Variants in EPHA6 observed in about 807,000 individuals in gnomAD.
EPHA6 encodes ephrin type-A receptor 6.
A neutral mutation model predicts 112.0 loss-of-function variants in EPHA6; 50 were observed. The ratio of observed to expected loss-of-function variants is 0.45; its 90% CI spans 0.36 to 0.56. EPHA6 has a LOEUF of 0.56. EPHA6 is among the 20% of genes least tolerant of loss of function. The pLI is 0.00. For synonymous variants in EPHA6, 529 were observed against 490.7 expected (o/e 1.08, Z -1.03); for missense variants, 1,280 against 1,417.4 (o/e 0.90, Z 1.56).
intron 12 of EPHA6, among the ~76,000 whole-genome samples, chr3:97,598,493 C>A (rs995167459): frequency 1.4e-3 from 200 of 144,048 alleles, no homozygotes; most frequent in Non-Finnish European, 2.4e-3. Context: ...TCAATTCCCA[C>A]CTATGAGTGA....
chr3:96,976,550 A>G (rs1266407603), intron 2 of EPHA6, among the ~76,000 whole-genome samples: 2 of 152,128 alleles, frequency 1.3e-5, no homozygotes, highest in African/African-American at 4.8e-5. Context: ...ATGAAGTAAA[A>G]CATAGGTTTT....
Position 97,023,140 on chromosome 3 carries a change from G to A in EPHA6, c.1114+35147G>A, listed in dbSNP as rs554944083. On this transcript the variant is annotated intron_variant, in intron 3 of 17. Coordinates refer to ENST00000389672, the MANE Select transcript of EPHA6 (RefSeq NM_001080448.3). ...GTTGCCCAGGCTGGAGTGCAGTGGC[G>A]CGATCTTGGCTCACTGAAAGCTCCA... is the stretch of plus-strand genomic sequence containing the variant. Among the ~76,000 whole-genome samples the A allele has an allele frequency of 7.2e-5, 11 of 152,142 alleles. No individual in the cohort carries two copies. The South Asian group carries it at 8.3e-4, about 11-fold the overall frequency.
chr3:97,222,779 C>T (rs536528725), intron 3 of EPHA6, among the ~76,000 whole-genome samples: 3 of 152,306 alleles, frequency 2.0e-5, no homozygotes, highest in East Asian at 3.9e-4. Context: ...AAGTATGTAT[C>T]GAGCACCTAC....
chr3:96,855,723 G>T (rs532848026), intron 1 of EPHA6, among the ~76,000 whole-genome samples: 1 of 150,302 alleles, frequency 6.7e-6, no homozygotes, highest in Admixed American at 6.6e-5. Context: ...GATTCCTGAA[G>T]AACATAAAAT....
intron 14 of EPHA6, among the ~76,000 whole-genome samples, chr3:97,710,182 G>A (rs2033893571): frequency 6.6e-6 from 1 of 152,156 alleles, no homozygotes; most frequent in African/African-American, 2.4e-5. Context: ...TCCCTAGAGT[G>A]ATGTTCTTCA....
intron 6 of EPHA6, among the ~76,000 whole-genome samples, chr3:97,408,080 A>G (rs116072653): frequency 1.6e-4 from 24 of 152,128 alleles, no homozygotes; most frequent in South Asian, 1.5e-3. Context: ...TCCTCCACAG[A>G]GGAGAAATGC....
chr3:97,254,952 T>G (rs2079260405), intron 5 of EPHA6, among the ~76,000 whole-genome samples: 1 of 152,170 alleles, frequency 6.6e-6, no homozygotes, highest in Non-Finnish European at 1.5e-5. Context: ...AGTAGAACAT[T>G]CTAGTTAGAG....
chr3:97,555,023 G>A (rs941257268), intron 11 of EPHA6, among the ~76,000 whole-genome samples: 2 of 151,704 alleles, frequency 1.3e-5, no homozygotes, highest in Non-Finnish European at 2.9e-5. Context: ...CTGGTGTGCT[G>A]CACCCATTAA....
chr3:97,234,232 G>T (rs1576738007), intron 4 of EPHA6, among the ~76,000 whole-genome samples: 1 of 151,922 alleles, frequency 6.6e-6, no homozygotes, highest in African/African-American at 2.4e-5. Context: ...GGGCCTAGCT[G>T]GTTTTGTTTA....
intron 12 of EPHA6, among the ~76,000 whole-genome samples, chr3:97,610,028 A>G (rs1272622873): frequency 6.6e-6 from 1 of 151,506 alleles, no homozygotes; most frequent in Non-Finnish European, 1.5e-5. Flanking sequence ...TACCTAATAG[A>G]GGTGTATTGG....
chr3:97,626,571 G>C (rs2093858849), intron 13 of EPHA6, among the ~76,000 whole-genome samples: 1 of 151,708 alleles, frequency 6.6e-6, no homozygotes. Flanking sequence ...GAGTCTAATA[G>C]ACTAGAAAGA....
At chr3:97,466,443 C>T (rs750386892) in intron 7 of EPHA6, 1 of 1,547,966 alleles carries the variant, frequency 6.5e-7, no homozygotes, top group Non-Finnish European at 8.9e-7. Flanking sequence ...AGTGACAAAA[C>T]TGTACTGGCT....
In EPHA6 at chr3:96,914,998, A is replaced by C. The variant is rs529696782; in HGVS notation, c.450+48109A>C. ...TAAATCTTTTGTCAGTAGTAATTAAATATTAAATACTACTGTGATATTATT... is the reference window on the plus strand; with the variant it reads ...TAAATCTTTTGTCAGTAGTAATTAACTATTAAATACTACTGTGATATTATT... On this transcript the variant is annotated intron_variant, in intron 2 of 17. Coordinates refer to ENST00000389672, the MANE Select transcript of EPHA6 (RefSeq NM_001080448.3). Among the ~76,000 whole-genome samples, 126 of 151,876 alleles carry C rather than the reference A, an allele frequency of 8.3e-4. 1 individual carries two copies. The highest frequency in any genetic ancestry group is 2.9e-3 in the African/African-American group (120 of 41,502).
At chr3:97,362,186 C>T (rs918638782) in intron 5 of EPHA6, among the ~76,000 whole-genome samples, 17 of 152,046 alleles carry the variant, frequency 1.1e-4, no homozygotes, top group Non-Finnish European at 2.9e-5. Flanking sequence ...TGGAGATTTA[C>T]ATCTGTTTCT....
intron 5 of EPHA6, among the ~76,000 whole-genome samples, chr3:97,331,436 T>C (rs761576334): frequency 4.6e-5 from 7 of 152,028 alleles, no homozygotes; most frequent in Non-Finnish European, 1.0e-4. Flanking sequence ...CAAAAAACCC[T>C]TCAAAAAATC....
intron 3 of EPHA6, among the ~76,000 whole-genome samples, chr3:97,142,497 C>T (rs2075936660): frequency 6.6e-6 from 1 of 151,886 alleles, no homozygotes; most frequent in Non-Finnish European, 1.5e-5. Flanking sequence ...AGTGACATTA[C>T]ACAGAAATAC....
chr3:96,995,762 T>TA (rs958348206), intron 3 of EPHA6, among the ~76,000 whole-genome samples: 3 of 152,134 alleles, frequency 2.0e-5, no homozygotes, highest in Non-Finnish European at 4.4e-5. Flanking sequence ...ACCTTATTGC[T>TA]AAAAAATTGC....
intron 3 of EPHA6, among the ~76,000 whole-genome samples, chr3:97,079,144 C>T (rs2046634581): frequency 6.6e-6 from 1 of 152,016 alleles, no homozygotes; most frequent in Admixed American, 6.6e-5. Flanking sequence ...GATGAGCATA[C>T]ATGCATGCAT....
At chr3:96,906,576 G>A (rs1260784071) in intron 2 of EPHA6, among the ~76,000 whole-genome samples, 3 of 151,994 alleles carry the variant, frequency 2.0e-5, no homozygotes, top group Admixed American at 2.0e-4. Flanking sequence ...GTGCTCTGTT[G>A]TATCTTATTT....
Sources: gnomAD v4.1 joint callset for allele counts (sites outside exome capture counted in the v4.1 genomes callset) on GRCh38, gnomAD v4.1.1 for gene constraint, MANE v1.5 for transcripts, NCBI Gene and HGNC (gene_info 2026-07-23, HGNC 2026-07-21) for gene names.